The following MYH11 variants were observed in gnomAD, a reference collection of about 807,000 sequenced individuals.
MYH11 encodes the protein myosin heavy chain 11.
A neutral mutation model predicts 246.6 loss-of-function variants in MYH11; 80 were observed. That is an observed-to-expected ratio of 0.32 (90% confidence interval 0.27 to 0.39). The LOEUF is 0.39. Ranked by LOEUF, MYH11 falls within the 10% of genes least tolerant of loss-of-function variation. The pLI, the probability that MYH11 is intolerant of heterozygous loss-of-function variation, is 1.00. For synonymous variants in MYH11, 1,071 were observed against 1,015.5 expected, an observed-to-expected ratio of 1.05 and a Z score of -1.04; for missense variants, 2,158 against 2,546.8, an observed-to-expected ratio of 0.85 and a Z score of 3.29.
intron 1 of MYH11, among the ~76,000 whole-genome samples, chr16:15,848,235 T>C (rs2044247154): frequency 6.8e-6 from 1 of 148,066 alleles, no homozygotes; most frequent in Non-Finnish European, 1.5e-5. Context: ...AGTCTTTTTT[T>C]TTTTTTTTTT....
chr16:15,821,129 C>T (rs2043399934), intron 3 of MYH11, among the ~76,000 whole-genome samples: 1 of 152,228 alleles, frequency 6.6e-6, no homozygotes, highest in Non-Finnish European at 1.5e-5. Flanking sequence ...ATCTGGGCTT[C>T]CCAAAGTGCC....
chr16:15,741,420 A>G (rs1445288065), intron 22 of MYH11, 43 bp downstream of exon 22: 4 of 1,595,678 alleles, frequency 2.5e-6, no homozygotes, highest in Non-Finnish European at 2.6e-6. Context: ...GTGAGGGTCA[A>G]GTGATTTGCT....
rs149312208 is a variant in MYH11 at position 15,727,623 on chromosome 16, A to T, written c.3652-569T>A. On this transcript the variant is annotated intron_variant, in intron 27 of 40. Coordinates refer to ENST00000300036, the MANE Select transcript of MYH11 (RefSeq NM_002474.3). ...CTACTTTTAAAAAAATGAGTTGCCG[A>T]CATTTTAATAAATGTCACATAAAAA... Among the ~76,000 whole-genome samples, 477 of 152,308 alleles carry T rather than the reference A, an allele frequency of 3.1e-3. 4 individuals are homozygous for T. The highest frequency in any genetic ancestry group is 0.011 in the African/African-American group (466 of 41,568).
chr16:15,727,856 C>A (rs963301450), intron 27 of MYH11, among the ~76,000 whole-genome samples: 21 of 152,182 alleles, frequency 1.4e-4, no homozygotes, highest in African/African-American at 4.3e-4. Flanking sequence ...ACCAGCAATC[C>A]CAGCTACTCA....
chr16:15,796,181 T>C (rs1033606514), intron 4 of MYH11, among the ~76,000 whole-genome samples: 4 of 152,188 alleles, frequency 2.6e-5, no homozygotes, highest in Admixed American at 6.5e-5. Flanking sequence ...GGAACCGCTA[T>C]CTAAATTAAC....
chr16:15,711,495 T>C (rs1394665741), intron 40 of MYH11, among the ~76,000 whole-genome samples: 1 of 152,192 alleles, frequency 6.6e-6, no homozygotes, highest in Non-Finnish European at 1.5e-5. Context: ...ATAGAGGTGA[T>C]GCTGGTTTAA....
At position 15,747,914 on chromosome 16, in the gene MYH11, G is replaced by A; in HGVS notation, c.2210C>T (p.Pro737Leu). 6.2e-7 allele frequency: 1 copy of A among 1,613,978 alleles called. No individual in the cohort carries two copies. Among genetic ancestry groups the A allele is most frequent in the Non-Finnish European group, 8.5e-7 (1 of 1,180,012 alleles). Residue 737 changes from proline to leucine, a missense_variant, in exon 18 of 41, where the codon CCC becomes CTC. By Grantham distance (98) the Pro-to-Leu change is moderately conservative (BLOSUM62 -3). This residue lies in a region of MYH11 where 56 missense variants were observed against 47.2 expected (regional missense o/e 1.19). Transcript: ENST00000300036. ...CTGCTTCCCGTCCATGAAGCCTTTG[G>A]GGATGGCATTCGCCGCCAGGATCTC... ...RYEILAANAI[P>L]KGFMDGKQAC...
At chr16:15,822,855 G>A (rs1184710864) in intron 3 of MYH11, among the ~76,000 whole-genome samples, 1 of 152,256 alleles carries the variant, frequency 6.6e-6, no homozygotes, top group Non-Finnish European at 1.5e-5. Context: ...TGACAAATGA[G>A]GAAACTGAGG....
At chr16:15,708,962 A>G (rs1395602150) in intron 40 of MYH11, 2 of 1,051,616 alleles carry the variant, frequency 1.9e-6, no homozygotes, top group Admixed American at 4.1e-5. Context: ...ACTCTTTTTT[A>G]TTTTGAGATA....
intron 4 of MYH11, among the ~76,000 whole-genome samples, chr16:15,788,089 T>TG (rs2042518066): frequency 7.5e-6 from 1 of 132,882 alleles, no homozygotes; most frequent in Non-Finnish European, 1.6e-5. Context: ...TTTTTTTTTT[T>TG]TTTTTTACCA....
intron 3 of MYH11, among the ~76,000 whole-genome samples, chr16:15,802,809 G>A (rs2094150093): frequency 6.6e-6 from 1 of 152,122 alleles, no homozygotes; most frequent in African/African-American, 2.4e-5. Flanking sequence ...GTTGAGATGA[G>A]GTCATCCTGG....
chr16:15,759,469 C>T lies in MYH11; in HGVS notation c.1401+107G>A, dbSNP rs1334564060. 7.7e-6 allele frequency: 11 copies of T among 1,425,168 alleles called. No individual in the cohort carries two copies. The African/African-American group carries it at 1.4e-4, about 18-fold the overall frequency. 88.3% of individuals were successfully genotyped at this position (1,425,168 alleles called of 1,614,324 possible). ...CACCCTTAACTAGACAGCCTCCTAC[C>T]CTACAGTAGCCATCTACATGCCTTT... On this transcript the variant is annotated intron_variant, in intron 12 of 40. Coordinates refer to ENST00000300036, the MANE Select transcript of MYH11 (RefSeq NM_002474.3).
chr16:15,804,034 A>G (rs1459823671), intron 3 of MYH11, among the ~76,000 whole-genome samples: 16 of 152,118 alleles, frequency 1.1e-4, no homozygotes, highest in Admixed American at 5.9e-4. Context: ...TTCCTTCCCC[A>G]AGCCTGAGCT....
In MYH11 at chr16:15,837,989, C is replaced by T; in HGVS notation, c.264G>A (p.Glu88=). 6.2e-7 allele frequency: 1 copy of T among 1,614,166 alleles called. No homozygotes were observed. Among genetic ancestry groups the T allele is most frequent in the Non-Finnish European group, 8.5e-7 (1 of 1,180,024 alleles). ...KMNPPKFSKV[E]DMAELTCLNE... ...TGAGGCACGTCAGCTCCGCCATGTC[C>T]TCCACCTTGGAGAACTTGGGTGGGT... The change falls in exon 2 of 41, where the codon GAG becomes GAA. Residue 88 remains glutamate (E), a synonymous_variant. Coordinates refer to ENST00000300036, the MANE Select transcript of MYH11 (RefSeq NM_002474.3).
chr16:15,817,048 C>T (rs1346647410), intron 3 of MYH11, among the ~76,000 whole-genome samples: 3 of 152,044 alleles, frequency 2.0e-5, no homozygotes, highest in Admixed American at 1.3e-4. Flanking sequence ...AAAATAGATA[C>T]CTATTTGCTT....
In MYH11 at chr16:15,755,895, C is replaced by T. The variant is rs148192597; in HGVS notation, c.1749+446G>A. Among the ~76,000 whole-genome samples the T allele has an allele frequency of 4.8e-3, 734 of 152,304 alleles. 2 individuals are homozygous for T. The highest frequency in any genetic ancestry group is 0.015 in the African/African-American group (628 of 41,560). Reference sequence around the variant, plus strand: ...GCAGTTAGCAGAGATCACGCCATTGCACTCCAGCCTGGATGACAAGAGCAA... The same window carrying T: ...GCAGTTAGCAGAGATCACGCCATTGTACTCCAGCCTGGATGACAAGAGCAA... On this transcript the variant is annotated intron_variant, in intron 14 of 40. Coordinates refer to ENST00000300036, the MANE Select transcript of MYH11 (RefSeq NM_002474.3).
intron 3 of MYH11, among the ~76,000 whole-genome samples, chr16:15,803,588 G>A (rs534351661): frequency 6.6e-6 from 1 of 152,210 alleles, no homozygotes; most frequent in South Asian, 2.1e-4. Flanking sequence ...GAAGAACCAG[G>A]TACCCTGTGA....
intron 1 of MYH11, among the ~76,000 whole-genome samples, chr16:15,843,745 G>A (rs1346279600): frequency 1.3e-5 from 2 of 151,740 alleles, no homozygotes; most frequent in African/African-American, 4.8e-5. Context: ...GTCTTGGCAA[G>A]TTGGCAAGTT....
chr16:15,739,961 C>G (rs2041224727), intron 23 of MYH11, 90 bp downstream of exon 23: 4 of 1,421,438 alleles, frequency 2.8e-6, no homozygotes, highest in Non-Finnish European at 2.9e-6. Context: ...AGGCTAGTCT[C>G]AAACTCCTGG....
Sources: allele counts gnomAD v4.1 joint callset (sites outside exome capture counted in the v4.1 genomes callset), GRCh38; gene constraint gnomAD v4.1.1; regional missense constraint gnomAD v4.1.1; transcripts MANE v1.5; gene names NCBI Gene and HGNC (gene_info 2026-07-23, HGNC 2026-07-21).